Variants in CUL2 observed in about 807,000 individuals in gnomAD.
The protein encoded by CUL2 is cullin 2.
CUL2 carries 22 observed loss-of-function variants against 110.2 expected under a neutral mutation model. The ratio of observed to expected loss-of-function variants is 0.20; its 90% CI spans 0.14 to 0.28. The LOEUF is 0.28. CUL2 is among the 10% of genes least tolerant of loss of function. The pLI, the probability that CUL2 is intolerant of heterozygous loss-of-function variation, is 1.00. For missense variants in CUL2, 631 were observed against 905.5 expected, an observed-to-expected ratio of 0.70 and a Z score of 3.89; for synonymous variants, 279 against 293.2, an observed-to-expected ratio of 0.95 and a Z score of 0.49.
chr10:35,085,674 G>A (rs535882582), intron 1 of CUL2, among the ~76,000 whole-genome samples: 1 of 133,036 alleles, frequency 7.5e-6, no homozygotes, highest in Admixed American at 8.5e-5. Flanking sequence ...CCGGGAACCA[G>A]AGACACAGCC....
At position 35,010,351 on chromosome 10, in the gene CUL2, C is replaced by T. The variant is rs761495517; in HGVS notation, c.2198G>A (p.Arg733His). 2 of 1,608,976 alleles carry T rather than the reference C, an allele frequency of 1.2e-6. No homozygotes were observed. Among genetic ancestry groups the T allele is most frequent in the Non-Finnish European group, 1.7e-6 (2 of 1,177,674 alleles). The part of the protein sequence containing the change: ...EVLIDKQYIE[R>H]SQASADEYSY... The stretch of plus-strand genomic sequence containing the variant: ...GTATTCATCTGCCGACGCCTGGCTG[C>T]GTTCTATGTATTGTTTGTCTATCAG... The change falls in exon 21 of 21, where the codon CGC (arginine) becomes CAC (histidine). Residue 733 changes from arginine (R) to histidine (H), a missense_variant. By Grantham distance (29) the Arg-to-His change is conservative (BLOSUM62 0). Coordinates refer to ENST00000374749, the MANE Select transcript of CUL2 (RefSeq NM_003591.4).
At chr10:35,082,450 A>G (rs1330510370) in intron 1 of CUL2, among the ~76,000 whole-genome samples, 1 of 152,190 alleles carries the variant, frequency 6.6e-6, no homozygotes, top group Non-Finnish European at 1.5e-5. Context: ...TCTAGTAACG[A>G]AAAAGTTTTG....
chr10:35,124,701 A>G (rs945316442), intron 1 of CUL2, among the ~76,000 whole-genome samples: 1 of 152,236 alleles, frequency 6.6e-6, no homozygotes, highest in Non-Finnish European at 1.5e-5. Context: ...TTGTAGGGAA[A>G]GGAGCCAAGA....
rs1388313822 is a variant in CUL2 at position 35,038,639 on chromosome 10, CCTA to C, written c.877+278_877+280del. On this transcript the variant is annotated intron_variant, in intron 9 of 20. Transcript: ENST00000374749. ...CCTTTTTATAGTCTTTGCCTTTATT[CCTA>C]CTGTTTATCAGGAATTCTAAATGCA... 7.4e-5 allele frequency among the ~76,000 whole-genome samples: 11 copies of C among 149,010 alleles called. 1 individual carries two copies. Among genetic ancestry groups the C allele is most frequent in the Non-Finnish European group, 5.9e-5 (4 of 67,488 alleles).
upstream of CUL2, among the ~76,000 whole-genome samples, chr10:35,093,228 G>T (rs1049445622): frequency 3.3e-5 from 5 of 151,628 alleles, no homozygotes; most frequent in African/African-American, 1.2e-4. Context: ...TGATTTGAGT[G>T]ATAACTCCAG....
intron 17 of CUL2, among the ~76,000 whole-genome samples, chr10:35,020,165 T>TA (rs2085146605): frequency 1.4e-5 from 2 of 144,348 alleles, no homozygotes; most frequent in Non-Finnish European, 3.1e-5. Context: ...GAAAACAAAT[T>TA]TAAAAAAAAA....
At chr10:35,049,562 A>G in intron 6 of CUL2, 121 bp downstream of exon 6, 2 of 595,290 alleles carry the variant, frequency 3.4e-6, no homozygotes, top group South Asian at 2.9e-5. Flanking sequence ...AAGTAAAATG[A>G]GGCTCATTAC....
intron 10 of CUL2, among the ~76,000 whole-genome samples, chr10:35,034,284 A>C (rs577283368): frequency 9.1e-4 from 138 of 152,364 alleles, no homozygotes; most frequent in African/African-American, 3.0e-3. Flanking sequence ...AGTTTGACAA[A>C]TAATAGAGTA....
At chr10:35,074,404 C>G in intron 1 of CUL2, 1 of 620,488 alleles carries the variant, frequency 1.6e-6, no homozygotes, top group East Asian at 2.7e-5. Context: ...TTGCCTTTAC[C>G]CTTACTATTT....
chr10:35,018,061 C>A lies in CUL2; in HGVS notation c.1685-1667G>T, dbSNP rs1298424109. Among the ~76,000 whole-genome samples, 7 of 147,852 alleles carry A rather than the reference C, an allele frequency of 4.7e-5. 1 individual carries two copies. The highest frequency in any genetic ancestry group is 4.1e-4 in the Admixed American group (6 of 14,620). On this transcript the variant is annotated intron_variant, in intron 17 of 20. Coordinates refer to ENST00000374749, the MANE Select transcript of CUL2 (RefSeq NM_003591.4). ...ATCCCAGCATTTTGGGAGGTGGAGG[C>A]AGGCGGATCACGAGGTCAGGAGATC...
intron 16 of CUL2, among the ~76,000 whole-genome samples, chr10:35,027,352 G>T (rs2085362398): frequency 1.3e-5 from 2 of 151,912 alleles, no homozygotes; most frequent in African/African-American, 4.8e-5. Context: ...CACTGTGTTA[G>T]CCAGGATGGT....
At chr10:35,081,292 A>G (rs950105981) in intron 1 of CUL2, among the ~76,000 whole-genome samples, 4 of 152,188 alleles carry the variant, frequency 2.6e-5, no homozygotes, top group African/African-American at 9.6e-5. Flanking sequence ...CCTCTCTGCA[A>G]TGAACTTTAG....
intron 1 of CUL2, among the ~76,000 whole-genome samples, chr10:35,089,700 G>A (rs1389014554): frequency 3.3e-5 from 5 of 152,152 alleles, no homozygotes; most frequent in Non-Finnish European, 5.9e-5. Context: ...GACCCTAAGG[G>A]TTGAGACAAG....
In CUL2 at chr10:35,039,181, T is replaced by A; in HGVS notation, c.715-99A>T. On this transcript the variant is annotated intron_variant, in intron 8 of 20. Coordinates refer to ENST00000374749, the MANE Select transcript of CUL2 (RefSeq NM_003591.4). ...ACTCAGCCAAATTTTAATGGCTGAA[T>A]TAAACATGGCAAAGGTAATAAGGGT... 6.2e-6 allele frequency: 4 copies of A among 640,574 alleles called. No homozygotes were observed. In the South Asian group the frequency reaches 1.1e-4, roughly 18 times the overall value. 39.7% of individuals were successfully genotyped at this position (640,574 alleles called of 1,614,324 possible). A position where few individuals can be genotyped will look rare whatever the true frequency, so the allele number is the denominator to read the frequency against.
chr10:35,121,014 C>G (rs2087671792), intron 1 of CUL2, among the ~76,000 whole-genome samples: 1 of 152,182 alleles, frequency 6.6e-6, no homozygotes, highest in Non-Finnish European at 1.5e-5. Context: ...ATATCCCTTT[C>G]TAAGTTCATT....
At chr10:35,023,627 T>G (rs1370603588) in intron 17 of CUL2, among the ~76,000 whole-genome samples, 1 of 152,192 alleles carries the variant, frequency 6.6e-6, no homozygotes. Flanking sequence ...TAAAATTACT[T>G]TAGGAGACAC....
At chr10:35,066,120 G>A (rs186178430) in intron 2 of CUL2, among the ~76,000 whole-genome samples, 164 of 152,098 alleles carry the variant, frequency 1.1e-3, no homozygotes, top group African/African-American at 3.6e-3. Context: ...TGTTTCCTAC[G>A]CTTGGCTTAA....
rs2085478870 is a variant in CUL2 at position 35,031,478 on chromosome 10, G to T, written c.1299+13C>A. The T allele has an allele frequency of 5.6e-6, 9 of 1,611,550 alleles. No homozygotes were observed. Among genetic ancestry groups the T allele is most frequent in the Non-Finnish European group, 6.8e-6 (8 of 1,178,506 alleles). ...ACCAAAATACAAATGAAACTTTTCT[G>T]TTCACAACATACCTTTTGAAAGACG... On this transcript the variant is annotated intron_variant, in intron 13 of 20. Coordinates refer to ENST00000374749, the MANE Select transcript of CUL2 (RefSeq NM_003591.4). The surrounding 1 kb of genome is among the most constrained non-coding windows in gnomAD (Gnocchi z 4.4).
intron 1 of CUL2, among the ~76,000 whole-genome samples, chr10:35,122,117 T>C (rs11010101): frequency 1.3e-5 from 2 of 152,078 alleles, no homozygotes; most frequent in African/African-American, 4.8e-5. Context: ...ATATTATACT[T>C]ACTTGTTTTT....
Sources: allele counts gnomAD v4.1 joint callset (sites outside exome capture counted in the v4.1 genomes callset), GRCh38; gene constraint gnomAD v4.1.1; non-coding constraint Gnocchi (gnomAD v3.1); transcripts MANE v1.5; gene names NCBI Gene and HGNC (gene_info 2026-07-23, HGNC 2026-07-21).